Variants in MAPK6 observed in about 807,000 individuals in gnomAD.
The protein encoded by MAPK6 is mitogen-activated protein kinase 6.
A neutral mutation model predicts 59.3 loss-of-function variants in MAPK6; 19 were observed. That is an observed-to-expected ratio of 0.32 (90% confidence interval 0.22 to 0.47). The LOEUF is 0.47. Ranked by LOEUF, MAPK6 falls within the 20% of genes least tolerant of loss-of-function variation. The pLI, the probability that MAPK6 is intolerant of heterozygous loss-of-function variation, is 1.00. For missense variants in MAPK6, 724 were observed against 847.9 expected (o/e 0.85, Z 1.81); for synonymous variants, 316 against 290.3 (o/e 1.09, Z -0.90).
chr15:51,985,785 C>T (rs770955614), intron 2 of MAPK6, among the ~76,000 whole-genome samples: 7 of 151,960 alleles, frequency 4.6e-5, no homozygotes, highest in African/African-American at 9.7e-5. Context: ...GGTGAAACCC[C>T]GTCTTTACTA....
intron 1 of MAPK6, among the ~76,000 whole-genome samples, chr15:52,038,866 C>G (rs961316848): frequency 6.6e-6 from 1 of 152,148 alleles, no homozygotes; most frequent in African/African-American, 2.4e-5. Context: ...CTCTCCCATT[C>G]TGAGCATACC....
chr15:52,023,939 A>T (rs960167170), intron 1 of MAPK6, among the ~76,000 whole-genome samples: 2 of 152,180 alleles, frequency 1.3e-5, no homozygotes, highest in Admixed American at 6.5e-5. Flanking sequence ...TTTGTCTTTT[A>T]TACATGTCAG....
intron 1 of MAPK6, among the ~76,000 whole-genome samples, chr15:52,044,253 A>G (rs2031530694): frequency 6.6e-6 from 1 of 152,152 alleles, no homozygotes. Context: ...TTTCTGTTAC[A>G]GTAAAATAAA....
chr15:52,014,703 T>TAAAA (rs796259080), upstream of MAPK6, among the ~76,000 whole-genome samples: 2 of 119,462 alleles, frequency 1.7e-5, no homozygotes, highest in Admixed American at 8.7e-5. Flanking sequence ...TGAGATTTTC[T>TAAAA]AAAAAAAAAA....
chr15:52,057,765 C>T (rs1370051034), intron 3 of MAPK6, among the ~76,000 whole-genome samples: 2 of 152,138 alleles, frequency 1.3e-5, no homozygotes, highest in African/African-American at 4.8e-5. Flanking sequence ...TGGTCTCGAA[C>T]TCTTGACTTT....
At chr15:52,016,914 C>T (rs569140173), upstream of MAPK6, among the ~76,000 whole-genome samples, 12 of 152,218 alleles carry the variant, frequency 7.9e-5, no homozygotes, top group African/African-American at 2.2e-4. Context: ...TGTGCTGGCG[C>T]GCACCTGTAG....
At chr15:52,049,912 AAATT>A (rs1240981102) in intron 2 of MAPK6, 77 bp from the exon 3 acceptor site, 1 of 1,329,628 alleles carries the variant, frequency 7.5e-7, no homozygotes, top group Admixed American at 1.8e-5. Context: ...CACGCCTGGC[AAATT>A]AAGGATTCTT....
At chr15:52,043,879 G>A (rs922226675) in intron 1 of MAPK6, among the ~76,000 whole-genome samples, 1 of 144,690 alleles carries the variant, frequency 6.9e-6, no homozygotes, top group Non-Finnish European at 1.5e-5. Context: ...TGGTTCAAGC[G>A]ATTATCCAGC....
intron 1 of MAPK6, among the ~76,000 whole-genome samples, chr15:52,030,890 C>G (rs558127077): frequency 2.0e-4 from 30 of 151,468 alleles, no homozygotes; most frequent in African/African-American, 7.0e-4. Flanking sequence ...CTCCTGGGTT[C>G]AAGCAATTCT....
intron 1 of MAPK6, among the ~76,000 whole-genome samples, chr15:52,037,953 G>C (rs1378974629): frequency 6.6e-6 from 1 of 152,134 alleles, no homozygotes; most frequent in African/African-American, 2.4e-5. Flanking sequence ...ACAGAAAAAA[G>C]GAGGGGAATG....
intron 1 of MAPK6, among the ~76,000 whole-genome samples, chr15:52,040,343 A>C (rs1032327136): frequency 1.3e-5 from 2 of 152,216 alleles, no homozygotes; most frequent in Non-Finnish European, 2.9e-5. Flanking sequence ...TACTCACTTG[A>C]CTATGGAGAA....
At chr15:52,034,247 A>G (rs918733399) in intron 1 of MAPK6, among the ~76,000 whole-genome samples, 16 of 151,402 alleles carry the variant, frequency 1.1e-4, no homozygotes, top group Admixed American at 3.9e-4. Flanking sequence ...AGCCTCCCAA[A>G]GTGCTGGGAT....
intron 1 of MAPK6, among the ~76,000 whole-genome samples, chr15:52,023,643 C>G (rs1484001357): frequency 1.3e-5 from 2 of 152,206 alleles, no homozygotes; most frequent in Non-Finnish European, 2.9e-5. Flanking sequence ...GACGCTGTCT[C>G]CCTCTGTTGC....
At chr15:51,990,300 A>G (rs963032119) in intron 2 of MAPK6, among the ~76,000 whole-genome samples, 7 of 152,242 alleles carry the variant, frequency 4.6e-5, no homozygotes, top group Non-Finnish European at 8.8e-5. Context: ...GGAACAGATT[A>G]TGCAAATCCA....
At chr15:52,056,807 ATTCCT>A (rs1257484180) in intron 3 of MAPK6, 1 of 151,694 alleles carries the variant, frequency 6.6e-6, no homozygotes, top group Non-Finnish European at 1.5e-5. Flanking sequence ...ATTCTTTTTC[ATTCCT>A]TTAAGAATTA....
chr15:52,054,724 A>G (rs1471373964), intron 3 of MAPK6, among the ~76,000 whole-genome samples: 1 of 44,106 alleles, frequency 2.3e-5, no homozygotes, highest in African/African-American at 6.9e-5. Context: ...ACATACATAT[A>G]TCTATACACA....
At chr15:51,995,125 C>T (rs539893434) in intron 2 of MAPK6, among the ~76,000 whole-genome samples, 13 of 152,178 alleles carry the variant, frequency 8.5e-5, no homozygotes, top group South Asian at 4.2e-4. Flanking sequence ...TCTTTGGGAT[C>T]GACACCTGTG....
intron 3 of MAPK6, among the ~76,000 whole-genome samples, chr15:52,051,830 C>T (rs965614865): frequency 1.0e-4 from 15 of 149,760 alleles, no homozygotes; most frequent in African/African-American, 1.5e-4. Context: ...GCTGGGATCG[C>T]GCCATTGCAC....
At chr15:52,006,646 C>G (rs2057259690) in intron 3 of MAPK6, among the ~76,000 whole-genome samples, 1 of 152,198 alleles carries the variant, frequency 6.6e-6, no homozygotes. Context: ...GGTACAATCT[C>G]TTGAACTTGG....
Sources: allele counts gnomAD v4.1 joint callset (sites outside exome capture counted in the v4.1 genomes callset), GRCh38; gene constraint gnomAD v4.1.1; transcripts MANE v1.5; gene names NCBI Gene and HGNC (gene_info 2026-07-23, HGNC 2026-07-21).